The following ELP3 variants were observed in gnomAD, a reference collection of about 807,000 sequenced individuals.
The protein encoded by ELP3 is elongator acetyltransferase complex subunit 3.
A neutral mutation model predicts 74.9 loss-of-function variants in ELP3; 56 were observed. The ratio of observed to expected loss-of-function variants is 0.75; its 90% confidence interval spans 0.60 to 0.93. The LOEUF (loss-of-function observed/expected upper bound fraction) is 0.93, where lower values mean the gene tolerates loss of function less well. Among genes scored for constraint, ELP3 ranks in the 40% least tolerant of loss-of-function variants. ELP3 has a pLI of 0.00. For missense variants in ELP3, 573 were observed against 686.5 expected (o/e 0.83, Z 1.85); for synonymous variants, 222 against 239.8 (o/e 0.93, Z 0.68).
intron 9 of ELP3, among the ~76,000 whole-genome samples, chr8:28,133,952 G>GATTATT (rs369737577): frequency 9.9e-5 from 15 of 151,566 alleles, no homozygotes; most frequent in African/African-American, 3.4e-4. Flanking sequence ...TTATTATCAT[G>GATTATT]ATTATTATTA....
intron 7 of ELP3, among the ~76,000 whole-genome samples, chr8:28,124,811 G>GTGCC (rs1267467965): frequency 1.3e-5 from 2 of 152,160 alleles, no homozygotes; most frequent in African/African-American, 4.8e-5. Flanking sequence ...GTAAGCTGCA[G>GTGCC]TGCCACCAGG....
chr8:28,092,992 G>T (rs1277391399), upstream of ELP3: 9 of 693,122 alleles, frequency 1.3e-5, no homozygotes, highest in South Asian at 3.3e-5. Context: ...GAGACCCGGG[G>T]CAGGATCGCA....
chr8:28,184,703 C>T (rs1183713826), intron 14 of ELP3, among the ~76,000 whole-genome samples: 1 of 152,194 alleles, frequency 6.6e-6, no homozygotes, highest in Non-Finnish European at 1.5e-5. Flanking sequence ...GGAAGTAAAG[C>T]ACTTTGACCA....
rs79233609 is a variant in ELP3 at position 28,170,632 on chromosome 8, G to T, written c.1567+8554G>T. Among the ~76,000 whole-genome samples, 64 of 152,222 alleles carry T rather than the reference G, an allele frequency of 4.2e-4. 2 individuals are homozygous for T. The East Asian group carries it at 0.01, about 24-fold the overall frequency. On this transcript the variant is annotated intron_variant, in intron 14 of 14. Transcript: ENST00000256398. ...GCTGAGGATACATGGTTTCCCTCTG[G>T]AGCTTTCCTACCCTTAAATACTTAT... is the stretch of plus-strand genomic sequence containing the variant.
intron 7 of ELP3, among the ~76,000 whole-genome samples, chr8:28,122,148 A>G (rs1052904335): frequency 3.9e-5 from 6 of 151,996 alleles, no homozygotes; most frequent in African/African-American, 1.5e-4. Flanking sequence ...CCTAGGATAA[A>G]CCCTATTATA....
intron 13 of ELP3, among the ~76,000 whole-genome samples, chr8:28,161,425 T>C (rs960730871): frequency 6.6e-6 from 1 of 151,800 alleles, no homozygotes; most frequent in Non-Finnish European, 1.5e-5. Flanking sequence ...AGTACAAAAA[T>C]TAGCTGGGCG....
chr8:28,118,787 A>G (rs1420727920), intron 7 of ELP3: 2 of 152,140 alleles, frequency 1.3e-5, no homozygotes, highest in African/African-American at 2.4e-5. Context: ...ACAAGATGCA[A>G]TTTAAAGGGT....
In ELP3 at chr8:28,189,706, T is replaced by C. The variant is rs1453105938; in HGVS notation, c.1625T>C (p.Met542Thr). ...KIGYRLQGPY[M>T]VKMLK ...GGCTACAGATTACAAGGCCCGTACATGGTGAAGATGCTGAAATAATGGCCA... is the reference window on the plus strand; with the variant it reads ...GGCTACAGATTACAAGGCCCGTACACGGTGAAGATGCTGAAATAATGGCCA... Residue 542 changes from methionine (M) to threonine (T), a missense_variant, in exon 15 of 15, where the codon ATG becomes ACG. Transcript: ENST00000256398. The C allele has an allele frequency of 6.2e-7, 1 of 1,614,146 alleles. No homozygotes were observed. Among genetic ancestry groups the C allele is most frequent in the Non-Finnish European group, 8.5e-7 (1 of 1,179,976 alleles).
chr8:28,104,100 A>G (rs1363226626), intron 3 of ELP3, among the ~76,000 whole-genome samples: 1 of 152,160 alleles, frequency 6.6e-6, no homozygotes, highest in Non-Finnish European at 1.5e-5. Context: ...GTAATTCCCT[A>G]ATGACATGAT....
intron 8 of ELP3, among the ~76,000 whole-genome samples, chr8:28,131,816 C>T (rs1184594045): frequency 6.6e-6 from 1 of 152,212 alleles, no homozygotes; most frequent in Non-Finnish European, 1.5e-5. Flanking sequence ...CTCTTCCTCC[C>T]TGTCTACAAA....
chr8:28,188,926 C>T (rs1000248534), intron 14 of ELP3, among the ~76,000 whole-genome samples: 2 of 152,012 alleles, frequency 1.3e-5, no homozygotes, highest in Admixed American at 6.6e-5. Flanking sequence ...GGGGGCCTTG[C>T]GCTCATCAGA....
intron 7 of ELP3, among the ~76,000 whole-genome samples, chr8:28,122,384 C>T (rs988217531): frequency 7.9e-5 from 12 of 152,136 alleles, no homozygotes; most frequent in African/African-American, 2.9e-4. Context: ...ATGATTTCTT[C>T]CATAAACGTT....
intron 7 of ELP3, among the ~76,000 whole-genome samples, chr8:28,127,212 C>T (rs1011990819): frequency 6.6e-6 from 1 of 152,064 alleles, no homozygotes; most frequent in Non-Finnish European, 1.5e-5. Context: ...TCTGTATGTC[C>T]TTGGTGGGGC....
chr8:28,161,868 A>G (rs921160056), intron 13 of ELP3, 129 bp from the exon 14 acceptor site: 7 of 754,724 alleles, frequency 9.3e-6, no homozygotes, highest in African/African-American at 7.0e-5. Flanking sequence ...CCTTACTCCC[A>G]TAAGTGGGCT....
intron 7 of ELP3, chr8:28,129,221 A>G (rs947051895): frequency 1.4e-5 from 4 of 277,308 alleles, no homozygotes; most frequent in African/African-American, 8.6e-5. Context: ...TGATGATAAT[A>G]ACATTACTAT....
chr8:28,106,828 G>A lies in ELP3; in HGVS notation c.329+45G>A, dbSNP rs375262949. 9 of 1,448,418 alleles carry A rather than the reference G, an allele frequency of 6.2e-6. No individual in the cohort carries two copies. In the African/African-American group the frequency reaches 1.3e-4, roughly 20 times the overall value. The allele number at this position is 1,448,418 out of a possible 1,614,324, so 89.7% of individuals were successfully genotyped here. ...TAAATTGTATGTATGTTTTAATTAA[G>A]CTAAATATGCCCCCTCTAGCCCTTA... On this transcript the variant is annotated intron_variant, in intron 4 of 14. Transcript: ENST00000256398.
chr8:28,110,851 A>C (rs1295456953), intron 6 of ELP3: 1 of 165,000 alleles, frequency 6.1e-6, no homozygotes, highest in Non-Finnish European at 1.3e-5. Flanking sequence ...GAAGGCTGTG[A>C]CAGCAGGTCA....
In ELP3 at chr8:28,187,712, A is replaced by C. The variant is rs560776332; in HGVS notation, c.1568-1937A>C. 4.6e-5 allele frequency among the ~76,000 whole-genome samples: 7 copies of C among 152,302 alleles called. No homozygotes were observed. The East Asian group carries it at 1.4e-3, about 29-fold the overall frequency. On this transcript the variant is annotated intron_variant, in intron 14 of 14. Transcript: ENST00000256398. ...AGATGGGAATGAGTTGCCCTGAACA[A>C]CTGGCAGTGGAGTGGCCATTTACAG...
intron 1 of ELP3, among the ~76,000 whole-genome samples, chr8:28,094,821 T>C (rs551032678): frequency 1.3e-5 from 2 of 152,320 alleles, no homozygotes; most frequent in East Asian, 3.9e-4. Flanking sequence ...CTGGATCCTG[T>C]CTTAGATTTT....
Sources: gnomAD v4.1 joint callset for allele counts (sites outside exome capture counted in the v4.1 genomes callset) on GRCh38, gnomAD v4.1.1 for gene constraint, MANE v1.5 for transcripts, NCBI Gene and HGNC (gene_info 2026-07-23, HGNC 2026-07-21) for gene names.